Variants in PVT1 observed in about 807,000 individuals in gnomAD.
PVT1 encodes CXCR4/PVT1 fusion.
intron 4 of PVT1, among the ~76,000 whole-genome samples, chr8:128,042,581 G>A (rs934359368): frequency 5.9e-5 from 9 of 152,046 alleles, no homozygotes; most frequent in Admixed American, 5.2e-4. Flanking sequence ...TGAAGAAGAA[G>A]GAGTGGAGCC....
intron 4 of PVT1, among the ~76,000 whole-genome samples, chr8:128,045,715 G>T (rs1813604159): frequency 6.6e-6 from 1 of 152,184 alleles, no homozygotes; most frequent in South Asian, 2.1e-4. Flanking sequence ...GCCCTGTAAG[G>T]CGTAATGAGG....
At chr8:127,976,279 C>T (rs1816822072) in intron 3 of PVT1, among the ~76,000 whole-genome samples, 1 of 152,144 alleles carries the variant, frequency 6.6e-6, no homozygotes, top group South Asian at 2.1e-4. Context: ...GCTTCCCTTT[C>T]CCTGCCTCTG....
At chr8:127,825,605 G>T (rs757955120) in intron 2 of PVT1, among the ~76,000 whole-genome samples, 1 of 152,084 alleles carries the variant, frequency 6.6e-6, no homozygotes, top group Non-Finnish European at 1.5e-5. Flanking sequence ...TGCTACGTGG[G>T]GTACGACCAT....
At chr8:128,015,320 C>T (rs1212470552) in intron 4 of PVT1, among the ~76,000 whole-genome samples, 1 of 152,016 alleles carries the variant, frequency 6.6e-6, no homozygotes, top group Middle Eastern at 3.2e-3. Flanking sequence ...AAACTCCTGG[C>T]CTCATGTGAT....
intron 4 of PVT1, among the ~76,000 whole-genome samples, chr8:128,056,811 G>C (rs1001290242): frequency 2.6e-5 from 4 of 152,210 alleles, no homozygotes; most frequent in African/African-American, 9.7e-5. Flanking sequence ...TGATAGAAAC[G>C]TCATAGGCGC....
intron 3 of PVT1, among the ~76,000 whole-genome samples, chr8:127,953,024 A>G (rs1464093636): frequency 1.3e-5 from 2 of 152,034 alleles, no homozygotes; most frequent in East Asian, 3.9e-4. Context: ...TTGGCCTCCG[A>G]AAGTGCTGGG....
chr8:128,067,394 A>C (rs2608048), intron 4 of PVT1, among the ~76,000 whole-genome samples: 36,508 of 152,076 alleles, frequency 0.24, 4,670 homozygotes, highest in East Asian at 0.45. Context: ...TCCTGTCTCC[A>C]AGGCCAGTCC....
At chr8:128,021,115 T>G (rs942690969) in intron 4 of PVT1, among the ~76,000 whole-genome samples, 2 of 152,062 alleles carry the variant, frequency 1.3e-5, no homozygotes, top group Non-Finnish European at 2.9e-5. Context: ...TCCTTCAAAC[T>G]GCCTCCAGAT....
chr8:127,878,568 C>T (rs1282557697), intron 2 of PVT1, among the ~76,000 whole-genome samples: 1 of 152,194 alleles, frequency 6.6e-6, no homozygotes, highest in Non-Finnish European at 1.5e-5. Context: ...TTTCCCTTCC[C>T]TGCCACTGTC....
chr8:128,013,271 G>A (rs1817336065), intron 4 of PVT1, among the ~76,000 whole-genome samples: 2 of 152,222 alleles, frequency 1.3e-5, no homozygotes, highest in South Asian at 4.2e-4. Flanking sequence ...TAACTCTTGG[G>A]ATTATGCCTG....
chr8:128,051,356 A>G (rs1295684956), intron 4 of PVT1, among the ~76,000 whole-genome samples: 1 of 152,210 alleles, frequency 6.6e-6, no homozygotes, highest in Non-Finnish European at 1.5e-5. Context: ...TTCCCTTCAG[A>G]TGGATGCCCA....
chr8:127,929,777 A>G (rs1816181202), intron 3 of PVT1, among the ~76,000 whole-genome samples: 1 of 152,188 alleles, frequency 6.6e-6, no homozygotes, highest in African/African-American at 2.4e-5. Context: ...CAAAAAAAAA[A>G]AAGAAGTGTC....
intron 2 of PVT1, among the ~76,000 whole-genome samples, chr8:127,801,336 G>T (rs1320772681): frequency 6.6e-6 from 1 of 152,118 alleles, no homozygotes; most frequent in Admixed American, 6.6e-5. Context: ...CTGCCTCCTG[G>T]GTTTAAGCAA....
At chr8:127,885,416 A>G (rs1035365650) in intron 2 of PVT1, among the ~76,000 whole-genome samples, 7 of 152,116 alleles carry the variant, frequency 4.6e-5, no homozygotes, top group Non-Finnish European at 1.0e-4. Context: ...ATGGTTCTGG[A>G]GGTGGGGAAG....
At chr8:127,999,564 C>T (rs1316364688) in intron 4 of PVT1, among the ~76,000 whole-genome samples, 1 of 151,946 alleles carries the variant, frequency 6.6e-6, no homozygotes, top group Admixed American at 6.6e-5. Flanking sequence ...CAGGTTCAAG[C>T]GATCCTCCTG....
At chr8:127,923,380 G>C (rs35851359) in intron 3 of PVT1, among the ~76,000 whole-genome samples, 44,229 of 152,200 alleles carry the variant, frequency 0.29, 7,226 homozygotes, top group Middle Eastern at 0.44. Flanking sequence ...TGTGAAGCCT[G>C]TGAGTTGGAT....
intron 2 of PVT1, among the ~76,000 whole-genome samples, chr8:127,796,717 G>A (rs1237834338): frequency 6.6e-6 from 1 of 152,122 alleles, no homozygotes; most frequent in African/African-American, 2.4e-5. Flanking sequence ...GATAGTTGCC[G>A]GTCCAGGTCG....
chr8:127,825,910 G>C (rs994436148), intron 2 of PVT1, among the ~76,000 whole-genome samples: 1 of 151,378 alleles, frequency 6.6e-6, no homozygotes, highest in African/African-American at 2.4e-5. Flanking sequence ...GAGTGCAGTC[G>C]CACAATCATG....
intron 3 of PVT1, among the ~76,000 whole-genome samples, chr8:127,973,105 G>T (rs1474376195): frequency 6.6e-6 from 1 of 152,110 alleles, no homozygotes; most frequent in Non-Finnish European, 1.5e-5. Flanking sequence ...GTTTTGCTAT[G>T]TTGCCCAGGC....
Sources: allele counts gnomAD v4.1 joint callset (sites outside exome capture counted in the v4.1 genomes callset), GRCh38; gene constraint gnomAD v4.1.1; transcripts MANE v1.5; gene names NCBI Gene and HGNC (gene_info 2026-07-23, HGNC 2026-07-21).